Variants in SENP7 observed in about 807,000 individuals in gnomAD.
SENP7 encodes SUMO specific peptidase 7.
Under a neutral mutation model 141.2 loss-of-function variants are expected in SENP7, and 64 were observed. The observed-to-expected ratio is 0.45, with a 90% CI of 0.37 to 0.56. The LOEUF is 0.56. Ranked by LOEUF, SENP7 falls within the 20% of genes least tolerant of loss-of-function variation. The pLI, the probability that SENP7 is intolerant of heterozygous loss-of-function variation, is 0.00. For missense variants in SENP7, 1,025 were observed against 1,212.2 expected, an observed-to-expected ratio of 0.85 and a Z score of 2.29; for synonymous variants, 382 against 426.4, an observed-to-expected ratio of 0.90 and a Z score of 1.28.
Position 101,398,897 on chromosome 3 carries a change from T to G in SENP7, c.641A>C (p.Asn214Thr), listed in dbSNP as rs779976247. Residue 214 changes from asparagine (N) to threonine (T), a missense_variant, in exon 6 of 24, where the codon AAT (asparagine) becomes ACT (threonine). This residue lies in a region of SENP7 where 496 missense variants were observed against 503.5 expected (regional missense o/e 0.99). Transcript: ENST00000394095. ...ATAACAGCTCTTGTGAGGGTTTAGA[T>G]TTTGATAAGATTCTAGGCTGCCATC... The part of the protein sequence containing the change: ...SSDGSLESYQ[N>T]LNPHKSCYLS... The G allele has an allele frequency of 1.2e-6, 2 of 1,610,502 alleles. No individual in the cohort carries two copies. The highest frequency in any genetic ancestry group is 2.7e-5 in the African/African-American group (2 of 74,866).
At chr3:101,418,314 C>T (rs1175699350) in intron 4 of SENP7, among the ~76,000 whole-genome samples, 1 of 151,348 alleles carries the variant, frequency 6.6e-6, no homozygotes, top group East Asian at 1.9e-4. Context: ...TGTACCTATA[C>T]CAATTTCAAA....
At chr3:101,371,558 A>C (rs1475987502) in intron 7 of SENP7, among the ~76,000 whole-genome samples, 1 of 152,222 alleles carries the variant, frequency 6.6e-6, no homozygotes, top group Non-Finnish European at 1.5e-5. Context: ...AAGTCTAGGA[A>C]GTATTTACCT....
intron 3 of SENP7, among the ~76,000 whole-genome samples, chr3:101,487,158 CG>C (rs2064763630): frequency 6.6e-6 from 1 of 151,952 alleles, no homozygotes; most frequent in Admixed American, 6.6e-5. Context: ...TAGACAGCAA[CG>C]TAATATTAGT....
Position 101,393,037 on chromosome 3 carries a change from T to G in SENP7, c.677+5824A>C, listed in dbSNP as rs1405920335. Among the ~76,000 whole-genome samples the G allele has an allele frequency of 2.0e-5, 3 of 151,664 alleles. No homozygotes were observed. The East Asian group carries it at 5.8e-4, about 29-fold the overall frequency. ...ACAGAATAGAAAACCCAGAAATAAA[T>G]CCCCATATTTAGAGCCAATTGACTT... is the stretch of plus-strand genomic sequence containing the variant. On this transcript the variant is annotated intron_variant, in intron 6 of 23. Coordinates refer to ENST00000394095, the MANE Select transcript of SENP7 (RefSeq NM_020654.5).
Position 101,366,522 on chromosome 3 carries a change from A to G in SENP7, c.1226T>C (p.Val409Ala). The G allele has an allele frequency of 6.2e-7, 1 of 1,613,814 alleles. No individual in the cohort carries two copies. Among genetic ancestry groups the G allele is most frequent in the Non-Finnish European group, 8.5e-7 (1 of 1,179,774 alleles). ...SIDIVGISSL[V>A]EKDENELNTI... ...ATTCAACTCATTCTCATCCTTCTCA[A>G]CCAGGGAAGAAATCCCCACAATATC... Residue 409 changes from valine (V) to alanine (A), a missense_variant, in exon 9 of 24, where the codon GTT becomes GCT. Physicochemically the swap from Val to Ala is moderately conservative, Grantham distance 64 (BLOSUM62 0). Around this residue, in one of 4 missense-constraint regions of SENP7, gnomAD observed 496 missense variants for 503.5 expected, o/e 0.99. Transcript: ENST00000394095.
intron 6 of SENP7, among the ~76,000 whole-genome samples, chr3:101,386,756 A>C (rs2060664036): frequency 6.6e-6 from 1 of 152,238 alleles, no homozygotes; most frequent in Admixed American, 6.5e-5. Flanking sequence ...AAAGTCTGAG[A>C]GGTGCCTGCC....
chr3:101,394,712 G>A (rs1391012447), intron 6 of SENP7, among the ~76,000 whole-genome samples: 2 of 151,468 alleles, frequency 1.3e-5, no homozygotes, highest in Non-Finnish European at 2.9e-5. Context: ...TTAGTTTTCT[G>A]AGAAATCTCC....
At chr3:101,405,366 T>C (rs1207460910) in intron 5 of SENP7, among the ~76,000 whole-genome samples, 1 of 152,000 alleles carries the variant, frequency 6.6e-6, no homozygotes, top group Admixed American at 6.5e-5. Flanking sequence ...GGAAGCCACA[T>C]CCATAGGAAA....
chr3:101,463,376 TATATATATATATATATATATAC>T (rs1415261434), intron 3 of SENP7, among the ~76,000 whole-genome samples: 4 of 85,280 alleles, frequency 4.7e-5, no homozygotes, highest in African/African-American at 2.2e-4. Context: ...TATATATATA[TATATATATATATATATATATAC>T]ATATATATAT....
At chr3:101,423,913 A>G (rs2061865627) in intron 4 of SENP7, among the ~76,000 whole-genome samples, 1 of 152,202 alleles carries the variant, frequency 6.6e-6, no homozygotes, top group South Asian at 2.1e-4. Context: ...AGAGCTGCTT[A>G]GAGAAGTGGT....
rs1270874464 is a variant in SENP7, at chr3:101,325,163, T to C, written c.*780A>G. On this transcript the variant is annotated 3_prime_UTR_variant, in exon 24 of 24. Coordinates refer to ENST00000394095, the MANE Select transcript of SENP7 (RefSeq NM_020654.5). ...CCGTGATAATGTGAGTGAATATTTA[T>C]ATAGCAGTACCTCAAGTTGAGCTAC... The C allele has an allele frequency of 6.6e-6, 1 of 152,098 alleles. No homozygotes were observed. The highest frequency in any genetic ancestry group is 1.5e-5 in the Non-Finnish European group (1 of 67,988). 9.4% of individuals were successfully genotyped at this position (152,098 alleles called of 1,614,324 possible).
intron 6 of SENP7, among the ~76,000 whole-genome samples, chr3:101,393,667 G>A (rs983409485): frequency 1.3e-5 from 2 of 152,110 alleles, no homozygotes; most frequent in African/African-American, 4.8e-5. Flanking sequence ...CCTGAGACCA[G>A]GTAATACAAT....
At chr3:101,332,646 A>T in intron 18 of SENP7, 124 bp downstream of exon 18, 1 of 553,938 alleles carries the variant, frequency 1.8e-6, no homozygotes, top group Middle Eastern at 5.2e-4. Context: ...TTTTATTTAA[A>T]AAAATTAAAA....
intron 4 of SENP7, among the ~76,000 whole-genome samples, chr3:101,425,954 A>T (rs1218605160): frequency 6.6e-6 from 1 of 152,224 alleles, no homozygotes; most frequent in African/African-American, 2.4e-5. Flanking sequence ...TCAGACAAAA[A>T]TAGAGAAAAA....
chr3:101,423,968 G>A (rs1337416926), intron 4 of SENP7, among the ~76,000 whole-genome samples: 6 of 152,128 alleles, frequency 3.9e-5, no homozygotes, highest in East Asian at 1.9e-4. Flanking sequence ...GGTTTGGTGC[G>A]GGAGAGTCTG....
intron 3 of SENP7, among the ~76,000 whole-genome samples, chr3:101,459,655 C>A (rs981694180): frequency 2.0e-5 from 3 of 152,094 alleles, no homozygotes; most frequent in Non-Finnish European, 4.4e-5. Context: ...ATGATTACAT[C>A]TGTATTAAGT....
chr3:101,470,850 A>G (rs1278283701), intron 3 of SENP7, among the ~76,000 whole-genome samples: 1 of 152,156 alleles, frequency 6.6e-6, no homozygotes, highest in African/African-American at 2.4e-5. Context: ...ATTCTTATAC[A>G]CCCTTAACAG....
intron 11 of SENP7, among the ~76,000 whole-genome samples, chr3:101,359,393 A>AAT (rs904416900): frequency 9.4e-5 from 14 of 149,442 alleles, no homozygotes; most frequent in East Asian, 5.8e-4. Context: ...AATATATATA[A>AAT]ATATATATAT....
intron 5 of SENP7, among the ~76,000 whole-genome samples, chr3:101,408,220 G>A (rs766944813): frequency 6.6e-6 from 1 of 152,040 alleles, no homozygotes; most frequent in East Asian, 1.9e-4. Context: ...AACCCTCCTA[G>A]CTTAAATCGG....
Sources: allele counts gnomAD v4.1 joint callset (sites outside exome capture counted in the v4.1 genomes callset), GRCh38; gene constraint gnomAD v4.1.1; regional missense constraint gnomAD v4.1.1; transcripts MANE v1.5; gene names NCBI Gene and HGNC (gene_info 2026-07-23, HGNC 2026-07-21).